EDA: variants seen among roughly 807,000 people sequenced by gnomAD.
EDA encodes ectodysplasin A, also known as ectodysplasin-A.
EDA carries 2 observed loss-of-function variants against 23.6 expected under a neutral mutation model. The observed-to-expected ratio is 0.08, with a 90% CI of 0.03 to 0.27. EDA has a LOEUF of 0.27. EDA is among the 10% of genes least tolerant of loss of function. The probability of loss-of-function intolerance (pLI) is 1.00; values close to 1 mark genes in which losing one functional copy is unlikely to be tolerated. For missense variants in EDA, 229 were observed against 324.2 expected, an observed-to-expected ratio of 0.71 and a Z score of 2.26; for synonymous variants, 131 against 132.0, an observed-to-expected ratio of 0.99 and a Z score of 0.05.
At chrX:69,771,293 C>T (rs374392472) in intron 1 of EDA, among the ~76,000 whole-genome samples, 34 of 110,837 alleles carry the variant, frequency 3.1e-4, no homozygotes, top group South Asian at 1.2e-3. Context: ...CTCTTGACCC[C>T]GTGACCTGCC....
intron 1 of EDA, among the ~76,000 whole-genome samples, chrX:69,628,093 A>G (rs1411533065): frequency 8.9e-6 from 1 of 111,899 alleles, no homozygotes; most frequent in African/African-American, 3.2e-5. Context: ...AAACAGCCGC[A>G]ATGAAATTGA....
intron 1 of EDA, among the ~76,000 whole-genome samples, chrX:69,621,579 C>T (rs1013280750): frequency 8.9e-6 from 1 of 111,882 alleles, no homozygotes; most frequent in African/African-American, 3.2e-5. Flanking sequence ...CTCCATAGTG[C>T]CTGACATAGT....
intron 1 of EDA, among the ~76,000 whole-genome samples, chrX:69,785,979 T>C (rs1350263297): frequency 9.0e-6 from 1 of 111,036 alleles, no homozygotes; most frequent in Non-Finnish European, 1.9e-5. Context: ...GCTCCTGTTA[T>C]TGGTCTATTC....
At chrX:69,682,660 A>G (rs189770791) in intron 1 of EDA, among the ~76,000 whole-genome samples, 137 of 111,880 alleles carry the variant, frequency 1.2e-3, no homozygotes, top group African/African-American at 4.2e-3. Flanking sequence ...GAGTGAGGCA[A>G]TGCCTCGCCC....
chrX:69,899,526 T>TTGTGTG (rs35667127), intron 1 of EDA, among the ~76,000 whole-genome samples: 1 of 108,192 alleles, frequency 9.2e-6, no homozygotes, highest in East Asian at 2.9e-4. Context: ...TTATTAACAG[T>TTGTGTG]TGTGTGTGTG....
intron 1 of EDA, among the ~76,000 whole-genome samples, chrX:69,893,529 C>T (rs1233265329): frequency 8.9e-6 from 1 of 112,186 alleles, no homozygotes; most frequent in Non-Finnish European, 1.9e-5. Flanking sequence ...AGTCCCCTAA[C>T]TCCCAAATGA....
chrX:69,970,016 G>A (rs1338494723), intron 2 of EDA, among the ~76,000 whole-genome samples: 7 of 111,281 alleles, frequency 6.3e-5, no homozygotes, highest in Non-Finnish European at 7.5e-5. Flanking sequence ...TGAGGCAGGA[G>A]GATCACTTGA....
chrX:69,761,948 C>A (rs1017151326), intron 1 of EDA, among the ~76,000 whole-genome samples: 1 of 110,921 alleles, frequency 9.0e-6, no homozygotes, highest in Non-Finnish European at 1.9e-5. Flanking sequence ...AGAACTCTAA[C>A]CCTTATTTAT....
chrX:69,641,893 T>C (rs1233356057), intron 1 of EDA, among the ~76,000 whole-genome samples: 1 of 111,846 alleles, frequency 8.9e-6, no homozygotes, highest in East Asian at 2.8e-4. Flanking sequence ...ATAAACTACA[T>C]AGGGAAACTG....
intron 1 of EDA, among the ~76,000 whole-genome samples, chrX:69,771,854 A>C (rs1039131536): frequency 1.8e-5 from 2 of 112,655 alleles, no homozygotes; most frequent in Non-Finnish European, 3.7e-5. Context: ...TGTTAGCTGT[A>C]GGAACTTTGT....
In EDA at chrX:69,826,796, G is replaced by T. The variant is rs750124629; in HGVS notation, c.397-130231G>T. On this transcript the variant is annotated intron_variant, in intron 1 of 7. Transcript: ENST00000374552. ...GTTGATGCAGTTTCTTCCTAGTCTC[G>T]ATGGTCTTTACATTTTGGCATGATT... is the stretch of plus-strand genomic sequence containing the variant. Among the ~76,000 whole-genome samples the T allele has an allele frequency of 1.1e-4, 12 of 110,784 alleles. No individual in the cohort carries two copies. The South Asian group carries it at 3.9e-3, about 36-fold the overall frequency.
intron 1 of EDA, among the ~76,000 whole-genome samples, chrX:69,744,199 C>T (rs1351051098): frequency 9.0e-6 from 1 of 111,722 alleles, no homozygotes; most frequent in Admixed American, 9.5e-5. Flanking sequence ...ATCTGTGTGC[C>T]AAGGCATTGC....
chrX:69,896,964 T>C (rs1342785910), intron 1 of EDA, among the ~76,000 whole-genome samples: 1 of 112,049 alleles, frequency 8.9e-6, no homozygotes, highest in African/African-American at 3.2e-5. Flanking sequence ...TCCTATCACT[T>C]TTCTCTTTAT....
At chrX:69,765,186 A>C (rs2014434139) in intron 1 of EDA, among the ~76,000 whole-genome samples, 1 of 112,339 alleles carries the variant, frequency 8.9e-6, no homozygotes, top group Admixed American at 9.4e-5. Flanking sequence ...TGGTGGACCT[A>C]AGAAGAGAAT....
intron 1 of EDA, among the ~76,000 whole-genome samples, chrX:69,754,751 TTC>T (rs1172953924): frequency 9.0e-6 from 1 of 111,448 alleles, no homozygotes; most frequent in African/African-American, 3.3e-5. Flanking sequence ...CTTGGAGACT[TTC>T]TTTCTTTTTA....
chrX:69,781,453 T>C (rs1298041333), intron 1 of EDA, among the ~76,000 whole-genome samples: 1 of 111,890 alleles, frequency 8.9e-6, no homozygotes, highest in Non-Finnish European at 1.9e-5. Context: ...CATTCATTCA[T>C]TTACGTATTA....
At chrX:69,883,231 A>C (rs1054349460) in intron 1 of EDA, among the ~76,000 whole-genome samples, 7 of 111,880 alleles carry the variant, frequency 6.3e-5, no homozygotes, top group Non-Finnish European at 1.1e-4. Context: ...TTTCAAGCCC[A>C]ATGCCTACTG....
At chrX:69,625,336 G>A (rs1932343657) in intron 1 of EDA, among the ~76,000 whole-genome samples, 1 of 110,867 alleles carries the variant, frequency 9.0e-6, no homozygotes, top group African/African-American at 3.3e-5. Flanking sequence ...AATTATCTAG[G>A]ATAAGACTGT....
chrX:69,783,813 G>A (rs1303523235), intron 1 of EDA, among the ~76,000 whole-genome samples: 1 of 107,269 alleles, frequency 9.3e-6, no homozygotes, highest in Admixed American at 1.0e-4. Flanking sequence ...ACCCAGTAAT[G>A]GGATGACTGG....
Sources: gnomAD v4.1 joint callset for allele counts (sites outside exome capture counted in the v4.1 genomes callset) on GRCh38, gnomAD v4.1.1 for gene constraint, MANE v1.5 for transcripts, NCBI Gene and HGNC (gene_info 2026-07-23, HGNC 2026-07-21) for gene names.